Variants in CSMD3 observed in about 807,000 individuals in gnomAD.
CSMD3 encodes the protein CUB and Sushi multiple domains 3, also known as CUB and sushi domain-containing protein 3.
In CSMD3, 177 loss-of-function variants were observed where a neutral mutation model predicts 435.2. That is an observed-to-expected ratio of 0.41 (90% CI 0.36 to 0.46). CSMD3 has a LOEUF of 0.46. Ranked by LOEUF, CSMD3 falls within the 20% of genes least tolerant of loss-of-function variation. The pLI, the probability that CSMD3 is intolerant of heterozygous loss-of-function variation, is 0.34. For synonymous variants in CSMD3, 1,656 were observed against 1,520.5 expected (o/e 1.09, Z -2.07); for missense variants, 4,265 against 4,504.6 (o/e 0.95, Z 1.52).
At chr8:112,657,778 G>C (rs1283817792) in intron 17 of CSMD3, among the ~76,000 whole-genome samples, 1 of 152,110 alleles carries the variant, frequency 6.6e-6, no homozygotes, top group African/African-American at 2.4e-5. Flanking sequence ...TTCAGTTTCA[G>C]CTTAAATATG....
chr8:113,253,166 T>C (rs772654757), intron 3 of CSMD3, among the ~76,000 whole-genome samples: 2 of 152,100 alleles, frequency 1.3e-5, no homozygotes, highest in Non-Finnish European at 2.9e-5. Context: ...CCCAAGATAG[T>C]TCAGTTTCCC....
intron 5 of CSMD3, among the ~76,000 whole-genome samples, chr8:113,023,112 C>A (rs1034200069): frequency 6.6e-6 from 1 of 151,658 alleles, no homozygotes; most frequent in South Asian, 2.1e-4. Flanking sequence ...AATGTTAAAC[C>A]GCTTTTATTA....
Position 112,587,163 on chromosome 8 carries a change from T to C in CSMD3, c.3788A>G (p.Asn1263Ser), listed in dbSNP as rs1830799144. ...AATACTATAAATGCATTCATGGTTG[T>C]TTTCATAGTTGAGTGGATAATTTGG... ...LSPNYPLNYE[N>S]NHECIYSIQV... The change falls in exon 23 of 71, where the codon AAC becomes AGC. Residue 1263 changes from asparagine to serine, a missense_variant. Asn to Ser is a conservative substitution (Grantham distance 46). This residue lies in a region of CSMD3 where 3,255 missense variants were observed against 3,380.2 expected (regional missense o/e 0.96). Transcript: ENST00000297405. 6.2e-7 allele frequency: 1 copy of C among 1,609,742 alleles called. No individual in the cohort carries two copies. Among genetic ancestry groups the C allele is most frequent in the African/African-American group, 1.3e-5 (1 of 74,728 alleles).
At chr8:113,038,926 C>T (rs963172310) in intron 5 of CSMD3, among the ~76,000 whole-genome samples, 1 of 152,076 alleles carries the variant, frequency 6.6e-6, no homozygotes, top group African/African-American at 2.4e-5. Flanking sequence ...AATTTTAAGG[C>T]TAATAACTAT....
chr8:112,681,238 G>C (rs1415807708), intron 16 of CSMD3, among the ~76,000 whole-genome samples: 1 of 151,224 alleles, frequency 6.6e-6, no homozygotes, highest in Non-Finnish European at 1.5e-5. Flanking sequence ...TATTTTAGTA[G>C]AGACGGGGTT....
At chr8:113,376,524 TTC>T (rs1259099908) in intron 1 of CSMD3, 1 of 550,434 alleles carries the variant, frequency 1.8e-6, no homozygotes, top group South Asian at 2.1e-5. Flanking sequence ...AAATTCTGTC[TTC>T]TGTCTTTTCT....
At chr8:113,227,062 A>C (rs535036948) in intron 3 of CSMD3, among the ~76,000 whole-genome samples, 1 of 151,724 alleles carries the variant, frequency 6.6e-6, no homozygotes, top group African/African-American at 2.4e-5. Context: ...TAAAATAAGC[A>C]AAAGGACTTG....
intron 42 of CSMD3, 49 bp from the exon 43 acceptor site, chr8:112,337,780 C>T (rs2130968320): frequency 6.8e-7 from 1 of 1,463,692 alleles, no homozygotes; most frequent in Non-Finnish European, 9.5e-7. Context: ...ATTTCAGAGG[C>T]CACAGATAGG....
At chr8:112,298,283 A>C (rs1820537910) in intron 53 of CSMD3, among the ~76,000 whole-genome samples, 1 of 152,054 alleles carries the variant, frequency 6.6e-6, no homozygotes, top group Non-Finnish European at 1.5e-5. Context: ...AAAATTATGA[A>C]CAAATTTAGA....
chr8:112,900,439 T>G (rs2082081777), intron 10 of CSMD3, among the ~76,000 whole-genome samples: 1 of 151,258 alleles, frequency 6.6e-6, no homozygotes, highest in Non-Finnish European at 1.5e-5. Context: ...TTGAGTCCTC[T>G]AAGCTCAGTC....
intron 2 of CSMD3, among the ~76,000 whole-genome samples, chr8:113,305,722 A>G (rs1170963030): frequency 1.3e-5 from 2 of 152,252 alleles, no homozygotes; most frequent in Non-Finnish European, 2.9e-5. Context: ...CAAAAGTTTT[A>G]GAAATCCTAT....
intron 4 of CSMD3, among the ~76,000 whole-genome samples, chr8:113,116,100 TG>T (rs2090818265): frequency 6.6e-6 from 1 of 152,154 alleles, no homozygotes; most frequent in African/African-American, 2.4e-5. Flanking sequence ...ACCCTGTTTA[TG>T]GTATTTCTTA....
At chr8:113,317,410 A>C (rs1253737285) in intron 1 of CSMD3, among the ~76,000 whole-genome samples, 1 of 152,182 alleles carries the variant, frequency 6.6e-6, no homozygotes, top group Non-Finnish European at 1.5e-5. Context: ...TTTTAGAAAA[A>C]GGACATATGT....
intron 5 of CSMD3, among the ~76,000 whole-genome samples, chr8:113,024,578 G>A (rs769742715): frequency 1.1e-4 from 16 of 152,074 alleles, no homozygotes; most frequent in Non-Finnish European, 1.6e-4. Context: ...TGTCAACACT[G>A]TAGAAGGGTA....
intron 52 of CSMD3, 69 bp from the exon 53 acceptor site, chr8:112,302,035 T>G: frequency 9.6e-7 from 1 of 1,043,688 alleles, no homozygotes; most frequent in Non-Finnish European, 1.5e-6. Context: ...AAAACTGTGC[T>G]TTGAACATTT....
intron 23 of CSMD3, among the ~76,000 whole-genome samples, chr8:112,583,471 G>A (rs1479469513): frequency 6.6e-6 from 1 of 151,738 alleles, no homozygotes; most frequent in Non-Finnish European, 1.5e-5. Flanking sequence ...GAACATTAAA[G>A]GATTTTTTAT....
At chr8:112,370,811 C>T (rs897417748) in intron 38 of CSMD3, among the ~76,000 whole-genome samples, 1 of 152,090 alleles carries the variant, frequency 6.6e-6, no homozygotes, top group African/African-American at 2.4e-5. Context: ...TCTGTCTTCA[C>T]CTGATAGAAT....
intron 11 of CSMD3, among the ~76,000 whole-genome samples, chr8:112,842,701 A>G (rs997569554): frequency 6.6e-6 from 1 of 151,856 alleles, no homozygotes; most frequent in African/African-American, 2.4e-5. Context: ...GTCTATATTT[A>G]TATACAACTA....
Position 112,573,549 on chromosome 8 carries a change from T to C in CSMD3, c.3994A>G (p.Asn1332Asp). 1 of 1,613,556 alleles carries C rather than the reference T, an allele frequency of 6.2e-7. No individual in the cohort carries two copies. Among genetic ancestry groups the C allele is most frequent in the Non-Finnish European group, 8.5e-7 (1 of 1,179,600 alleles). Residue 1332 changes from asparagine (N) to aspartate (D), a missense_variant, in exon 24 of 71, where the codon AAT becomes GAT. Physicochemically the swap from Asn to Asp is conservative, Grantham distance 23. This residue lies in a region of CSMD3 where 3,255 missense variants were observed against 3,380.2 expected (regional missense o/e 0.96). Transcript: ENST00000297405. ...TCATCTGTCCCTTCAGTATCGGAAT[T>C]AAATTCTAGCCAGAGTTGATTTGAA... ...STSNQLWLEF[N>D]SDTEGTDEGF...
Sources: gnomAD v4.1 joint callset for allele counts (sites outside exome capture counted in the v4.1 genomes callset) on GRCh38, gnomAD v4.1.1 for gene constraint, gnomAD v4.1.1 regional missense constraint, MANE v1.5 for transcripts, NCBI Gene and HGNC (gene_info 2026-07-23, HGNC 2026-07-21) for gene names.